MYO18B: variants seen among roughly 807,000 people sequenced by gnomAD.
MYO18B encodes myosin XVIIIB.
Under a neutral mutation model 273.0 loss-of-function variants are expected in MYO18B, and 204 were observed. That is an observed-to-expected ratio of 0.75 (90% CI 0.67 to 0.84). MYO18B has a LOEUF of 0.84. Ranked by LOEUF, MYO18B falls within the 40% of genes least tolerant of loss-of-function variation. MYO18B has a pLI of 0.00. For missense variants in MYO18B, 3,212 were observed against 3,287.6 expected, an observed-to-expected ratio of 0.98 and a Z score of 0.56; for synonymous variants, 1,330 against 1,305.7, an observed-to-expected ratio of 1.02 and a Z score of -0.40.
intron 40 of MYO18B, among the ~76,000 whole-genome samples, chr22:25,993,989 C>G (rs6004882): frequency 0.36 from 55,364 of 151,914 alleles, 10,605 homozygotes; most frequent in Non-Finnish European, 0.43. Flanking sequence ...CTAGTACTCT[C>G]TTTAGGAGAT....
In MYO18B at chr22:26,027,405, G is replaced by A. The variant is rs777532590; in HGVS notation, c.7431G>A (p.Thr2477=). The change falls in exon 43 of 44, where the codon ACG becomes ACA. Residue 2477 remains threonine, a synonymous_variant. Coordinates refer to ENST00000335473, the MANE Select transcript of MYO18B (RefSeq NM_032608.7). The surrounding 1 kb of genome is among the most constrained non-coding windows in gnomAD (Gnocchi z 4.1). The part of the protein sequence containing the change: ...GSQRSSIHFE[T]EEANRSFLSG... ...AGCGTTCAAGCATCCACTTTGAAAC[G>A]GAAGAGGCTAACCGTTCCTTTCTCT... is the stretch of plus-strand genomic sequence containing the variant. 99 of 1,613,852 alleles carry A rather than the reference G, an allele frequency of 6.1e-5. No individual in the cohort carries two copies. Among genetic ancestry groups the A allele is most frequent in the South Asian group, 2.0e-4 (18 of 91,076 alleles).
At chr22:25,913,058 G>A (rs188806839) in intron 33 of MYO18B, among the ~76,000 whole-genome samples, 6 of 152,200 alleles carry the variant, frequency 3.9e-5, no homozygotes, top group Non-Finnish European at 7.4e-5. Context: ...GCATAGTCTC[G>A]TATCTGCCTC....
intron 40 of MYO18B, among the ~76,000 whole-genome samples, chr22:25,994,277 G>A (rs1932997554): frequency 6.6e-6 from 1 of 152,072 alleles, no homozygotes; most frequent in Non-Finnish European, 1.5e-5. Flanking sequence ...GACCAGCCTG[G>A]GAAACATAAG....
In MYO18B at chr22:25,792,497, CT is replaced by C. The variant is rs58679561; in HGVS notation, c.2377-5440del. 9.1e-3 allele frequency among the ~76,000 whole-genome samples: 981 copies of C among 107,892 alleles called. 69 individuals are homozygous for C. The highest frequency in any genetic ancestry group is 0.013 in the South Asian group (43 of 3,322). The allele number at this position is 107,892 out of a possible 152,430, so 70.8% of individuals were successfully genotyped here. A position where few individuals can be genotyped will look rare whatever the true frequency, so the allele number is the denominator to read the frequency against. On this transcript the variant is annotated intron_variant, in intron 11 of 43. Coordinates refer to ENST00000335473, the MANE Select transcript of MYO18B (RefSeq NM_032608.7). ...GTGATGTTTCTTTTTTTTTTCTTTT[CT>C]TTTTTTTTTTTTTTTGAGACAGAGT...
intron 39 of MYO18B, among the ~76,000 whole-genome samples, chr22:25,987,968 G>A (rs2093220112): frequency 6.6e-6 from 1 of 152,024 alleles, no homozygotes; most frequent in African/African-American, 2.4e-5. Flanking sequence ...TTCTCTCCAT[G>A]CTTCAAATCT....
chr22:25,908,169 A>G (rs146928296), intron 31 of MYO18B, among the ~76,000 whole-genome samples, 153 bp from the exon 32 acceptor site: 1 of 152,326 alleles, frequency 6.6e-6, no homozygotes, highest in African/African-American at 2.4e-5. Context: ...TTTACCCACC[A>G]TTTGTGATCT....
chr22:25,915,176 G>A (rs1186705813), intron 33 of MYO18B, among the ~76,000 whole-genome samples: 3 of 152,150 alleles, frequency 2.0e-5, no homozygotes, highest in Admixed American at 2.0e-4. Flanking sequence ...CTTAATAGGA[G>A]TGCTTGTAAA....
At chr22:25,984,939 C>T (rs1002860097) in intron 39 of MYO18B, among the ~76,000 whole-genome samples, 1 of 152,156 alleles carries the variant, frequency 6.6e-6, no homozygotes, top group African/African-American at 2.4e-5. Flanking sequence ...TGGGTCTCTG[C>T]TATGATTGAT....
Position 25,865,630 on chromosome 22 carries a change from G to A in MYO18B, c.3886-2690G>A, listed in dbSNP as rs556598377. 2.0e-5 allele frequency among the ~76,000 whole-genome samples: 3 copies of A among 152,304 alleles called. No individual in the cohort carries two copies. The East Asian group carries it at 5.8e-4, about 29-fold the overall frequency. ...GTGCCGTTATTGTCCCCATCTTTCT[G>A]AATGGAGTCTGAGGCTCGGAGTAAA... On this transcript the variant is annotated intron_variant, in intron 21 of 43. Transcript: ENST00000335473.
chr22:25,771,038 C>T, intron 6 of MYO18B, 54 bp downstream of exon 6: 1 of 1,223,094 alleles, frequency 8.2e-7, no homozygotes, highest in South Asian at 1.3e-5. Flanking sequence ...CCACTTCACC[C>T]CAGCTCCATA....
At chr22:25,891,264 C>T (rs1177345799) in intron 26 of MYO18B, 40 bp from the exon 27 acceptor site, 1 of 1,415,150 alleles carries the variant, frequency 7.1e-7, no homozygotes, top group East Asian at 2.5e-5. Context: ...CCCATGTCTT[C>T]TGTCCAGCTC....
At chr22:25,977,247 G>T (rs1012610676) in intron 39 of MYO18B, among the ~76,000 whole-genome samples, 2 of 151,938 alleles carry the variant, frequency 1.3e-5, no homozygotes, top group Non-Finnish European at 2.9e-5. Context: ...CAGTGGCCTG[G>T]ATGGCTTTAT....
chr22:25,835,170 A>T, intron 16 of MYO18B, 126 bp from the exon 17 acceptor site: 1 of 1,150,554 alleles, frequency 8.7e-7, no homozygotes, highest in Non-Finnish European at 1.2e-6. Flanking sequence ...GGTTTTGGGT[A>T]GGCACGTTCT....
intron 21 of MYO18B, among the ~76,000 whole-genome samples, chr22:25,861,436 T>A (rs1262508399): frequency 6.6e-6 from 1 of 152,216 alleles, no homozygotes; most frequent in African/African-American, 2.4e-5. Flanking sequence ...TAAACAAAAT[T>A]TAAAACAAAA....
intron 34 of MYO18B, among the ~76,000 whole-genome samples, chr22:25,945,588 T>A (rs989269211): frequency 1.1e-4 from 16 of 151,922 alleles, no homozygotes; most frequent in South Asian, 8.3e-4. Context: ...TGTGAAGACA[T>A]GAGGGCCGCC....
At chr22:25,970,668 CA>C (rs1407103753) in intron 39 of MYO18B, among the ~76,000 whole-genome samples, 3 of 152,206 alleles carry the variant, frequency 2.0e-5, no homozygotes, top group Non-Finnish European at 4.4e-5. Flanking sequence ...TGTCCTTGTT[CA>C]GGCAATTTGC....
At chr22:26,009,995 A>T (rs1350653871) in intron 42 of MYO18B, among the ~76,000 whole-genome samples, 13 of 152,082 alleles carry the variant, frequency 8.5e-5, no homozygotes, top group Admixed American at 8.5e-4. Flanking sequence ...CCAAGAGGAA[A>T]CTCATCCTGC....
intron 21 of MYO18B, among the ~76,000 whole-genome samples, chr22:25,855,932 A>T (rs1204339057): frequency 1.3e-5 from 2 of 151,890 alleles, no homozygotes; most frequent in African/African-American, 4.8e-5. Flanking sequence ...AGATAAGTTC[A>T]TCACCCAGGT....
intron 21 of MYO18B, among the ~76,000 whole-genome samples, chr22:25,852,375 CAAT>C (rs2090450311): frequency 6.8e-6 from 1 of 147,150 alleles, no homozygotes; most frequent in Non-Finnish European, 1.5e-5. Context: ...AGCAAGAGCT[CAAT>C]AATGTTTTTG....
Sources: gnomAD v4.1 joint callset for allele counts (sites outside exome capture counted in the v4.1 genomes callset) on GRCh38, gnomAD v4.1.1 for gene constraint, Gnocchi (gnomAD v3.1) non-coding constraint, MANE v1.5 for transcripts, NCBI Gene and HGNC (gene_info 2026-07-23, HGNC 2026-07-21) for gene names.